The following EYS variants were observed in gnomAD, a reference collection of about 807,000 sequenced individuals.
The protein encoded by EYS is protein eyes shut homolog.
A neutral mutation model predicts 282.1 loss-of-function variants in EYS; 250 were observed. That is an observed-to-expected ratio of 0.89 (90% CI 0.80 to 0.98). EYS has a LOEUF of 0.98. Ranked by LOEUF, EYS falls within the 50% of genes least tolerant of loss-of-function variation. EYS has a pLI of 0.00. For missense variants in EYS, 4,016 were observed against 3,709.0 expected (o/e 1.08, Z -2.15); for synonymous variants, 1,355 against 1,282.9 (o/e 1.06, Z -1.20).
chr6:65,262,509 A>T (rs533934880), intron 12 of EYS, among the ~76,000 whole-genome samples: 159 of 151,388 alleles, frequency 1.1e-3, no homozygotes, highest in African/African-American at 3.7e-3. Context: ...TGTAATTATC[A>T]CTGGGTAACT....
intron 37 of EYS, among the ~76,000 whole-genome samples, chr6:63,789,758 C>G (rs1481116608): frequency 6.6e-6 from 1 of 152,166 alleles, no homozygotes; most frequent in Non-Finnish European, 1.5e-5. Context: ...TTTCTGTGTT[C>G]CCTCTTCTCT....
chr6:64,530,560 T>C (rs1432772526), intron 26 of EYS, among the ~76,000 whole-genome samples: 3 of 152,088 alleles, frequency 2.0e-5, no homozygotes, highest in Admixed American at 6.5e-5. Flanking sequence ...TGGAGATTTA[T>C]AACATGATAT....
intron 19 of EYS, among the ~76,000 whole-genome samples, chr6:64,875,298 C>G (rs1177625939): frequency 6.6e-6 from 1 of 151,952 alleles, no homozygotes. Context: ...ATTAGGTGTG[C>G]TCTTCATAAT....
chr6:65,561,548 T>C (rs1282083158), intron 2 of EYS, among the ~76,000 whole-genome samples: 1 of 152,158 alleles, frequency 6.6e-6, no homozygotes, highest in Admixed American at 6.6e-5. Flanking sequence ...ATTTTGCTTT[T>C]CCAATGGGTA....
chr6:63,846,723 G>A (rs955005005), intron 36 of EYS, among the ~76,000 whole-genome samples: 3 of 152,118 alleles, frequency 2.0e-5, no homozygotes, highest in Non-Finnish European at 4.4e-5. Context: ...ACTGACTGAT[G>A]GCAGAGACAG....
At chr6:65,484,716 G>A (rs1318281320) in intron 5 of EYS, among the ~76,000 whole-genome samples, 1 of 152,146 alleles carries the variant, frequency 6.6e-6, no homozygotes, top group African/African-American at 2.4e-5. Flanking sequence ...ATATGTGAGA[G>A]GAAAATTGAG....
intron 1 of EYS, among the ~76,000 whole-genome samples, chr6:65,697,146 T>A (rs1017583596): frequency 2.6e-5 from 4 of 152,054 alleles, no homozygotes; most frequent in African/African-American, 9.7e-5. Context: ...TAAAAAGGTA[T>A]GTTTTGTCTC....
intron 31 of EYS, among the ~76,000 whole-genome samples, chr6:64,196,286 A>G (rs915610746): frequency 6.6e-6 from 1 of 152,228 alleles, no homozygotes; most frequent in African/African-American, 2.4e-5. Flanking sequence ...ACGCTTTTAC[A>G]CTGTTGGTGG....
At chr6:64,014,552 T>C (rs1768797545) in intron 33 of EYS, among the ~76,000 whole-genome samples, 1 of 152,146 alleles carries the variant, frequency 6.6e-6, no homozygotes, top group East Asian at 1.9e-4. Flanking sequence ...TTCACATTTG[T>C]ATTAAAAATA....
chr6:64,538,046 A>G (rs566986144), intron 26 of EYS, among the ~76,000 whole-genome samples: 21 of 147,692 alleles, frequency 1.4e-4, no homozygotes, highest in African/African-American at 5.4e-4. Flanking sequence ...TAAACAAGCT[A>G]CTAAGTGTAT....
At chr6:63,827,850 C>CAAAAAAA (rs58843584) in intron 36 of EYS, among the ~76,000 whole-genome samples, 5 of 85,010 alleles carry the variant, frequency 5.9e-5, no homozygotes, top group Admixed American at 1.3e-4. Flanking sequence ...GACTCCGTCT[C>CAAAAAAA]AAAAAAAAAA....
intron 7 of EYS, among the ~76,000 whole-genome samples, chr6:65,389,118 C>T (rs1407809897): frequency 6.6e-6 from 1 of 152,080 alleles, no homozygotes; most frequent in Non-Finnish European, 1.5e-5. Context: ...TGTACAGTTT[C>T]CTTTCAAAAC....
intron 35 of EYS, among the ~76,000 whole-genome samples, chr6:63,908,138 C>T (rs534891251): frequency 6.6e-6 from 1 of 150,778 alleles, no homozygotes; most frequent in South Asian, 2.1e-4. Flanking sequence ...GTTGATTCCA[C>T]ATCTTTGCTA....
In EYS at chr6:64,081,398, T is replaced by C. The variant is rs192161810; in HGVS notation, c.6571+458A>G. 4.2e-3 allele frequency among the ~76,000 whole-genome samples: 636 copies of C among 151,344 alleles called. 1 individual carries two copies. Among genetic ancestry groups the C allele is most frequent in the Non-Finnish European group, 6.5e-3 (444 of 67,986 alleles). ...TTCCTTAAGCAAATACTGTTAATAC[T>C]ACTTAAAAAAAAACCAGCTTATATC... On this transcript the variant is annotated intron_variant, in intron 32 of 42. Transcript: ENST00000503581.
chr6:64,874,191 G>C (rs1766676648), intron 19 of EYS, among the ~76,000 whole-genome samples: 1 of 152,006 alleles, frequency 6.6e-6, no homozygotes, highest in Non-Finnish European at 1.5e-5. Flanking sequence ...GAATATTTCA[G>C]TCTCAAAAGT....
intron 14 of EYS, among the ~76,000 whole-genome samples, chr6:64,949,345 G>A (rs186765257): frequency 3.8e-4 from 58 of 151,940 alleles, no homozygotes; most frequent in South Asian, 3.1e-3. Flanking sequence ...TTCAATGATT[G>A]TAGCAGAATT....
chr6:65,246,062 G>A (rs943524580), intron 12 of EYS, among the ~76,000 whole-genome samples: 1 of 151,950 alleles, frequency 6.6e-6, no homozygotes, highest in East Asian at 1.9e-4. Flanking sequence ...ATGCAAAATA[G>A]CAATGTGAAA....
chr6:64,870,778 C>T (rs1015314395), intron 19 of EYS, among the ~76,000 whole-genome samples: 2 of 151,424 alleles, frequency 1.3e-5, no homozygotes, highest in Non-Finnish European at 3.0e-5. Flanking sequence ...CTGTAAACTA[C>T]AATAACAGAA....
chr6:64,902,558 C>A, intron 16 of EYS, 58 bp from the exon 17 acceptor site: 3 of 1,022,318 alleles, frequency 2.9e-6, no homozygotes, highest in South Asian at 3.4e-5. Flanking sequence ...GTAAAAAAAT[C>A]AGAATCAGTG....
Sources: gnomAD v4.1 joint callset for allele counts (sites outside exome capture counted in the v4.1 genomes callset) on GRCh38, gnomAD v4.1.1 for gene constraint, MANE v1.5 for transcripts, NCBI Gene and HGNC (gene_info 2026-07-23, HGNC 2026-07-21) for gene names.